CNIH3: variants seen among roughly 807,000 people sequenced by gnomAD.
CNIH3 encodes the protein protein cornichon homolog 3.
In CNIH3, 14 loss-of-function variants were observed where a neutral mutation model predicts 24.1. That is an observed-to-expected ratio of 0.58 (90% CI 0.38 to 0.91). The LOEUF (loss-of-function observed/expected upper bound fraction) is 0.91. Ranked by LOEUF, CNIH3 falls within the 40% of genes least tolerant of loss-of-function variation. The probability of loss-of-function intolerance (pLI) is 0.00; values close to 1 mark genes in which losing one functional copy is unlikely to be tolerated. For synonymous variants in CNIH3, 68 were observed against 73.8 expected, an observed-to-expected ratio of 0.92 and a Z score of 0.40; for missense variants, 178 against 196.8, an observed-to-expected ratio of 0.90 and a Z score of 0.57.
chr1:224,473,480 T>A (rs1046964296), intron 1 of CNIH3, among the ~76,000 whole-genome samples: 14 of 152,170 alleles, frequency 9.2e-5, no homozygotes, highest in Non-Finnish European at 1.6e-4. Context: ...AATGGGAACC[T>A]AAAAAGAGCA....
chr1:224,620,230 T>C (rs552633281), intron 1 of CNIH3, among the ~76,000 whole-genome samples: 39 of 152,366 alleles, frequency 2.6e-4, no homozygotes, highest in African/African-American at 9.1e-4. Flanking sequence ...ACCTGGCCTC[T>C]TACTGCCCAG....
At chr1:224,657,890 T>C (rs1009260757) in intron 1 of CNIH3, among the ~76,000 whole-genome samples, 3 of 152,224 alleles carry the variant, frequency 2.0e-5, no homozygotes. Flanking sequence ...CAAGGAAGAT[T>C]GGTTATTTCT....
chr1:224,504,330 C>G (rs995582998), intron 1 of CNIH3, among the ~76,000 whole-genome samples: 2 of 152,310 alleles, frequency 1.3e-5, no homozygotes, highest in East Asian at 3.9e-4. Flanking sequence ...TCAAATGGGA[C>G]AGTTTTGTGC....
At chr1:224,654,751 C>T (rs1685020183) in intron 1 of CNIH3, among the ~76,000 whole-genome samples, 1 of 152,120 alleles carries the variant, frequency 6.6e-6, no homozygotes, top group Non-Finnish European at 1.5e-5. Flanking sequence ...GGAGCATTAC[C>T]AAGATTTTTA....
chr1:224,582,066 G>A (rs945024451), intron 4 of CNIH3, among the ~76,000 whole-genome samples: 2 of 152,140 alleles, frequency 1.3e-5, no homozygotes, highest in African/African-American at 4.8e-5. Context: ...GACAGAGGGG[G>A]TGTGGGGAGG....
At chr1:224,510,898 C>A (rs911781379), upstream of CNIH3, among the ~76,000 whole-genome samples, 2 of 152,174 alleles carry the variant, frequency 1.3e-5, no homozygotes, top group African/African-American at 2.4e-5. Context: ...GGAGAAGGGG[C>A]AAGGGGGAAA....
chr1:224,438,086 GTAT>G (rs1307458741), intron 1 of CNIH3, among the ~76,000 whole-genome samples: 4 of 151,758 alleles, frequency 2.6e-5, no homozygotes, highest in East Asian at 3.9e-4. Context: ...CTAATTTTTT[GTAT>G]TATTATTATT....
chr1:224,601,163 T>G (rs1439575624), intron 3 of CNIH3, among the ~76,000 whole-genome samples: 3 of 152,182 alleles, frequency 2.0e-5, no homozygotes, highest in Non-Finnish European at 4.4e-5. Context: ...CTGTTTGACC[T>G]TTGACTTGGG....
chr1:224,514,269 C>T (rs755231673), upstream of CNIH3, among the ~76,000 whole-genome samples: 6 of 152,190 alleles, frequency 3.9e-5, no homozygotes, highest in Middle Eastern at 3.4e-3. Context: ...AAGGGCCTTA[C>T]GATATTTTAG....
intron 3 of CNIH3, among the ~76,000 whole-genome samples, chr1:224,725,055 C>A (rs1688944700): frequency 2.0e-5 from 3 of 151,658 alleles, no homozygotes; most frequent in Non-Finnish European, 4.4e-5. Context: ...ACTAAAAATA[C>A]AAAAATTAGC....
intron 1 of CNIH3, among the ~76,000 whole-genome samples, chr1:224,641,619 G>C (rs1341572963): frequency 6.6e-6 from 1 of 152,236 alleles, no homozygotes; most frequent in Non-Finnish European, 1.5e-5. Flanking sequence ...GTTGCTAAGA[G>C]CACAAATGCT....
At chr1:224,693,144 T>C (rs1687009697) in intron 3 of CNIH3, among the ~76,000 whole-genome samples, 1 of 152,222 alleles carries the variant, frequency 6.6e-6, no homozygotes, top group Admixed American at 6.5e-5. Context: ...GCAAACTCCT[T>C]GTTAGTCAGA....
At chr1:224,632,205 T>C (rs542403163) in intron 1 of CNIH3, among the ~76,000 whole-genome samples, 1 of 152,268 alleles carries the variant, frequency 6.6e-6, no homozygotes, top group Admixed American at 6.5e-5. Flanking sequence ...TTTGAACACA[T>C]GTGCATGTGG....
intron 2 of CNIH3, among the ~76,000 whole-genome samples, chr1:224,543,545 G>A (rs747244911): frequency 6.6e-5 from 10 of 152,238 alleles, no homozygotes; most frequent in Middle Eastern, 3.4e-3. Flanking sequence ...TGGAGACCAT[G>A]CCTTTTGGCT....
At chr1:224,717,049 TCTTC>T (rs1372312747) in intron 3 of CNIH3, among the ~76,000 whole-genome samples, 1 of 152,194 alleles carries the variant, frequency 6.6e-6, no homozygotes. Context: ...TTCCTGCAGC[TCTTC>T]CTTCACCCCT....
chr1:224,638,954 AC>A (rs1216159612), intron 1 of CNIH3, among the ~76,000 whole-genome samples: 5 of 152,150 alleles, frequency 3.3e-5, no homozygotes, highest in African/African-American at 4.8e-5. Flanking sequence ...TTTGCTTCTT[AC>A]CTGCCAGTTT....
intron 2 of CNIH3, among the ~76,000 whole-genome samples, 194 bp downstream of exon 2, chr1:224,681,220 A>G (rs1055971766): frequency 6.6e-6 from 1 of 152,184 alleles, no homozygotes; most frequent in Non-Finnish European, 1.5e-5. Context: ...GATATGTTGC[A>G]AATCAGATGT....
In CNIH3 at chr1:224,703,473, C is replaced by T. The variant is rs1297246064; in HGVS notation, c.198+18630C>T. Among the ~76,000 whole-genome samples the T allele has an allele frequency of 6.6e-6, 1 of 152,144 alleles. No homozygotes were observed. Among genetic ancestry groups the T allele is most frequent in the Non-Finnish European group, 1.5e-5 (1 of 68,016 alleles). ...CTCAGCATCAGTATTTTACAAAGCT[C>T]CCCAAGTGACTCCACTGTGCAGCTA... is the stretch of plus-strand genomic sequence containing the variant. On this transcript the variant is annotated intron_variant, in intron 3 of 5. Transcript: ENST00000272133. This position sits in a 1 kb window ranked among gnomAD's most constrained non-coding sequence, Gnocchi z 4.2.
At chr1:224,710,427 C>T (rs1173612947) in intron 3 of CNIH3, among the ~76,000 whole-genome samples, 4 of 152,242 alleles carry the variant, frequency 2.6e-5, no homozygotes, top group Non-Finnish European at 5.9e-5. Context: ...AGGCCTCCTC[C>T]TCCATTCACC....
Sources: allele counts gnomAD v4.1 joint callset (sites outside exome capture counted in the v4.1 genomes callset), GRCh38; gene constraint gnomAD v4.1.1; non-coding constraint Gnocchi (gnomAD v3.1); transcripts MANE v1.5; gene names NCBI Gene and HGNC (gene_info 2026-07-23, HGNC 2026-07-21).